The following TMEM170A variants were observed in gnomAD, a reference collection of about 807,000 sequenced individuals.
TMEM170A encodes the protein transmembrane protein 170.
In TMEM170A, 18 loss-of-function variants were observed where a neutral mutation model predicts 12.8. The ratio of observed to expected loss-of-function variants is 1.41; its 90% CI spans 0.97 to 2.09. The LOEUF (loss-of-function observed/expected upper bound fraction) is 2.09. Among genes scored for constraint, TMEM170A ranks in the 30% most tolerant of loss-of-function variants. The pLI is 0.00. For missense variants in TMEM170A, 220 were observed against 179.9 expected, an observed-to-expected ratio of 1.22 and a Z score of -1.28; for synonymous variants, 107 against 76.2, an observed-to-expected ratio of 1.40 and a Z score of -2.11.
intron 2 of TMEM170A, among the ~76,000 whole-genome samples, chr16:75,448,354 G>A (rs961933287): frequency 1.3e-5 from 2 of 152,142 alleles, no homozygotes; most frequent in African/African-American, 4.8e-5. Context: ...CCTGCAAATT[G>A]GAAAAACAAA....
At position 75,446,016 on chromosome 16, in the gene TMEM170A, A is replaced by C. The variant is rs533922769; in HGVS notation, c.*1542T>G. The C allele has an allele frequency of 6.6e-6, 1 of 152,144 alleles. No individual in the cohort carries two copies. The highest frequency in any genetic ancestry group is 1.5e-5 in the Non-Finnish European group (1 of 68,002). The allele number at this position is 152,144 out of a possible 1,614,324, so 9.4% of individuals were successfully genotyped here. A position where few individuals can be genotyped will look rare whatever the true frequency, so the allele number is the denominator to read the frequency against. On this transcript the variant is annotated 3_prime_UTR_variant, in exon 3 of 3. Coordinates refer to ENST00000561878, the MANE Select transcript of TMEM170A (RefSeq NM_145254.3). ...GATGGTGAAACCTATCTCTACTAAA[A>C]ATACAAAAATTAGCCGGGCACGGTG...
At chr16:75,464,108 C>A in intron 1 of TMEM170A, 2 of 1,115,764 alleles carry the variant, frequency 1.8e-6, no homozygotes, top group Non-Finnish European at 2.5e-6. Context: ...TGGGGCAACC[C>A]AGGCAGGGCG....
chr16:75,456,155 T>C (rs11644306), intron 1 of TMEM170A, among the ~76,000 whole-genome samples: 78,765 of 152,008 alleles, frequency 0.52, 21,244 homozygotes, highest in Admixed American at 0.63. Flanking sequence ...TCAAATTCTT[T>C]GCCCATTTTG....
rs2079571784 is a variant in TMEM170A at position 75,445,636 on chromosome 16, T to C, written c.*1922A>G. 1 of 152,100 alleles carries C rather than the reference T, an allele frequency of 6.6e-6. No homozygotes were observed. The highest frequency in any genetic ancestry group is 1.5e-5 in the Non-Finnish European group (1 of 68,018). 9.4% of individuals were successfully genotyped at this position (152,100 alleles called of 1,614,324 possible). On this transcript the variant is annotated 3_prime_UTR_variant, in exon 3 of 3. Transcript: ENST00000561878. ...TAGTCAAAAGAATATGTCCAGTTTT[T>C]GTGATCTCTTTGTAATTCTTTTCTA... is the stretch of plus-strand genomic sequence containing the variant.
intron 1 of TMEM170A, among the ~76,000 whole-genome samples, chr16:75,453,273 A>C (rs1032017890): frequency 3.9e-5 from 6 of 152,162 alleles, no homozygotes; most frequent in Non-Finnish European, 7.3e-5. Context: ...GTCTCTACAA[A>C]AAATACAAAA....
At position 75,443,634 on chromosome 16, in the gene TMEM170A, G is replaced by A. The variant is rs926416908; in HGVS notation, c.*3924C>T. On this transcript the variant is annotated 3_prime_UTR_variant, in exon 3 of 3. Coordinates refer to ENST00000561878, the MANE Select transcript of TMEM170A (RefSeq NM_145254.3). ...TAAAAAAAATAAGGAACGGTTTAAA[G>A]GTAATTAATGAACTTTTCCTCACCT... 3 of 152,150 alleles carry A rather than the reference G, an allele frequency of 2.0e-5. No homozygotes were observed. The highest frequency in any genetic ancestry group is 2.0e-4 in the Admixed American group (3 of 15,274). 9.4% of individuals were successfully genotyped at this position (152,150 alleles called of 1,614,324 possible). A position where few individuals can be genotyped will look rare whatever the true frequency, so the allele number is the denominator to read the frequency against.
Position 75,464,559 on chromosome 16 carries a change from C to T in TMEM170A, c.42G>A (p.Gly14=), listed in dbSNP as rs1295638131. Residue 14 remains glycine, a synonymous_variant, in exon 1 of 3, where the codon GGG becomes GGA. Transcript: ENST00000561878. ...TCAGGCTCAGGATCTGCTGCAGGAG[C>T]CCGGCCGACCCGCCGCTGCCGCCGC... is the stretch of plus-strand genomic sequence containing the variant. ...EGSGGSGGSA[G]LLQQILSLKV... 2 of 1,586,616 alleles carry T rather than the reference C, an allele frequency of 1.3e-6. No individual in the cohort carries two copies. The highest frequency in any genetic ancestry group is 8.6e-7 in the Non-Finnish European group (1 of 1,169,572).
chr16:75,448,447 G>C (rs1389396105), intron 2 of TMEM170A, among the ~76,000 whole-genome samples: 1 of 152,200 alleles, frequency 6.6e-6, no homozygotes, highest in Non-Finnish European at 1.5e-5. Context: ...TACCAAGAAA[G>C]TTAACATTTC....
chr16:75,456,896 T>C (rs889827209), intron 1 of TMEM170A, among the ~76,000 whole-genome samples: 1 of 152,160 alleles, frequency 6.6e-6, no homozygotes, highest in Non-Finnish European at 1.5e-5. Context: ...CACAGCACCA[T>C]GCTTCTCTTC....
chr16:75,458,311 G>C (rs2151644980), intron 1 of TMEM170A: 1 of 152,308 alleles, frequency 6.6e-6, no homozygotes, highest in Middle Eastern at 3.4e-3. Context: ...GGCTCCCAAA[G>C]GTGTTCGCAT....
intron 2 of TMEM170A, among the ~76,000 whole-genome samples, chr16:75,447,914 A>G (rs2079616221): frequency 6.6e-6 from 1 of 152,202 alleles, no homozygotes; most frequent in African/African-American, 2.4e-5. Flanking sequence ...CTGACTCCTT[A>G]AAACCCAGAG....
intron 1 of TMEM170A, among the ~76,000 whole-genome samples, chr16:75,457,619 C>T (rs1418882855): frequency 7.2e-5 from 11 of 152,216 alleles, no homozygotes; most frequent in Admixed American, 6.5e-4. Context: ...TATGGCGGCC[C>T]ATGCTGAGAC....
Position 75,447,403 on chromosome 16 carries a change from A to C in TMEM170A, c.*155T>G. ...ATAAGTCTTCAATTCTAGGAGCTTC[A>C]AAATGAAGAAAAGGCTGAGATGTGT... is the stretch of plus-strand genomic sequence containing the variant. On this transcript the variant is annotated 3_prime_UTR_variant, in exon 3 of 3. Transcript: ENST00000561878. 9 of 795,132 alleles carry C rather than the reference A, an allele frequency of 1.1e-5. No individual in the cohort carries two copies. Among genetic ancestry groups the C allele is most frequent in the Non-Finnish European group, 1.6e-5 (9 of 563,740 alleles). The allele number at this position is 795,132 out of a possible 1,614,324, so 49.3% of individuals were successfully genotyped here. A position where few individuals can be genotyped will look rare whatever the true frequency, so the allele number is the denominator to read the frequency against.
chr16:75,450,718 G>C (rs1181116298), intron 2 of TMEM170A, among the ~76,000 whole-genome samples: 2 of 152,078 alleles, frequency 1.3e-5, no homozygotes, highest in Non-Finnish European at 2.9e-5. Flanking sequence ...GCTGTGGTGT[G>C]ATCACGACTC....
At chr16:75,458,074 T>C (rs1221813222) in intron 1 of TMEM170A, among the ~76,000 whole-genome samples, 1 of 152,242 alleles carries the variant, frequency 6.6e-6, no homozygotes. Flanking sequence ...TATTTATCGA[T>C]TGTCATACAG....
In TMEM170A at chr16:75,451,450, G is replaced by A. The variant is rs114706583; in HGVS notation, c.304+219C>T. The A allele has an allele frequency of 5.7e-3, 3,486 of 606,632 alleles. 80 individuals are homozygous for A. The highest frequency in any genetic ancestry group is 0.055 in the African/African-American group (2,972 of 54,052). The allele number at this position is 606,632 out of a possible 1,614,324, so 37.6% of individuals were successfully genotyped here. On this transcript the variant is annotated intron_variant, in intron 2 of 2. Transcript: ENST00000561878. Reference sequence around the variant, plus strand: ...TGTAGTCCAAGCTTCTTGGGAGGCTGATGGAGGAGGATTACTTGAGCCCAA... The same window carrying A: ...TGTAGTCCAAGCTTCTTGGGAGGCTAATGGAGGAGGATTACTTGAGCCCAA...
At chr16:75,457,899 G>GT (rs1425128509) in intron 1 of TMEM170A, among the ~76,000 whole-genome samples, 1 of 152,188 alleles carries the variant, frequency 6.6e-6, no homozygotes, top group Non-Finnish European at 1.5e-5. Context: ...GGAAAAAAAG[G>GT]TTTATTATAG....
chr16:75,458,924 C>T (rs989212075), intron 1 of TMEM170A: 9 of 152,056 alleles, frequency 5.9e-5, no homozygotes, highest in African/African-American at 2.2e-4. Context: ...GAGACAGTCT[C>T]ACTCTGTTGC....
chr16:75,462,467 C>G (rs2079925494), intron 1 of TMEM170A, among the ~76,000 whole-genome samples: 1 of 152,208 alleles, frequency 6.6e-6, no homozygotes, highest in Non-Finnish European at 1.5e-5. Flanking sequence ...CCTCAGCCTC[C>G]CAAAGTGCTG....
Sources: gnomAD v4.1 joint callset for allele counts (sites outside exome capture counted in the v4.1 genomes callset) on GRCh38, gnomAD v4.1.1 for gene constraint, MANE v1.5 for transcripts, NCBI Gene and HGNC (gene_info 2026-07-23, HGNC 2026-07-21) for gene names.